Variants in ETV6 observed in about 807,000 individuals in gnomAD.
The protein encoded by ETV6 is transcription factor ETV6.
In ETV6, 16 loss-of-function variants were observed where a neutral mutation model predicts 51.1. The observed-to-expected ratio is 0.31, with a 90% confidence interval of 0.21 to 0.48. The LOEUF (loss-of-function observed/expected upper bound fraction) is 0.48, where lower values mean the gene tolerates loss of function less well. Among genes scored for constraint, ETV6 ranks in the 20% least tolerant of loss-of-function variants. ETV6 has a pLI of 0.99. For synonymous variants in ETV6, 240 were observed against 224.1 expected, an observed-to-expected ratio of 1.07 and a Z score of -0.64; for missense variants, 458 against 594.8, an observed-to-expected ratio of 0.77 and a Z score of 2.39.
chr12:11,696,031 A>G (rs893270032), intron 1 of ETV6, among the ~76,000 whole-genome samples: 2 of 152,194 alleles, frequency 1.3e-5, no homozygotes, highest in South Asian at 2.1e-4. Flanking sequence ...GTAGGGAAAA[A>G]AAAAAGAAAC....
intron 1 of ETV6, among the ~76,000 whole-genome samples, chr12:11,738,327 TTAA>T (rs1865748128): frequency 3.9e-5 from 5 of 129,624 alleles, no homozygotes; most frequent in South Asian, 5.2e-4. Flanking sequence ...TTTTTTTTTT[TTAA>T]ATTTGAGACA....
chr12:11,744,425 G>C (rs571832222), intron 1 of ETV6, among the ~76,000 whole-genome samples: 1 of 152,152 alleles, frequency 6.6e-6, no homozygotes, highest in African/African-American at 2.4e-5. Context: ...AGGATTTAGT[G>C]ACCCTCTTTC....
In ETV6 at chr12:11,658,463, G is replaced by A. The variant is rs142025058; in HGVS notation, c.33+8303G>A. Among the ~76,000 whole-genome samples, 391 of 152,312 alleles carry A rather than the reference G, an allele frequency of 2.6e-3. 1 individual carries two copies. The highest frequency in any genetic ancestry group is 4.2e-3 in the Non-Finnish European group (288 of 68,028). On this transcript the variant is annotated intron_variant, in intron 1 of 7. Transcript: ENST00000396373. ...GTGGCCAGGGTGGACTCAAACTCCC[G>A]ACTTCAATTGATCCTCCTGCCTCGG...
At chr12:11,820,896 G>C (rs1946070214) in intron 2 of ETV6, among the ~76,000 whole-genome samples, 1 of 152,188 alleles carries the variant, frequency 6.6e-6, no homozygotes, top group Non-Finnish European at 1.5e-5. Flanking sequence ...TGCAGGGAAG[G>C]AACAGTGGAA....
chr12:11,855,246 CAGTGAGCTGAG>C, intron 4 of ETV6, among the ~76,000 whole-genome samples: 1 of 152,150 alleles, frequency 6.6e-6, no homozygotes, highest in Admixed American at 6.5e-5. Flanking sequence ...GTGGAGATTG[CAGTGAGCTGAG>C]ATTGCGCCAC....
intron 1 of ETV6, among the ~76,000 whole-genome samples, chr12:11,734,708 A>G (rs1428171476): frequency 6.6e-6 from 1 of 152,164 alleles, no homozygotes; most frequent in Admixed American, 6.5e-5. Flanking sequence ...AATCTTATGC[A>G]GTAGGGCCGG....
At chr12:11,783,716 A>G (rs1391227832) in intron 2 of ETV6, among the ~76,000 whole-genome samples, 3 of 152,226 alleles carry the variant, frequency 2.0e-5, no homozygotes, top group Non-Finnish European at 4.4e-5. Flanking sequence ...TTCAATGGAA[A>G]GATGGACACT....
intron 2 of ETV6, among the ~76,000 whole-genome samples, chr12:11,820,373 C>T (rs988626709): frequency 3.9e-5 from 6 of 152,106 alleles, no homozygotes; most frequent in Admixed American, 2.6e-4. Flanking sequence ...AACAAAGGTC[C>T]GTTCACATGC....
At chr12:11,853,312 G>A (rs1188889568) in intron 3 of ETV6, 115 bp from the exon 4 acceptor site, 5 of 1,198,808 alleles carry the variant, frequency 4.2e-6, no homozygotes, top group Non-Finnish European at 4.8e-6. Flanking sequence ...GGAGGTGGCA[G>A]GTGCGCTCCA....
chr12:11,835,648 C>T (rs982811850), intron 2 of ETV6, among the ~76,000 whole-genome samples: 5 of 152,234 alleles, frequency 3.3e-5, no homozygotes, highest in African/African-American at 7.2e-5. Context: ...AAATCTACTT[C>T]TCCAGGGATC....
chr12:11,755,590 CCT>C (rs1169332077), intron 2 of ETV6, among the ~76,000 whole-genome samples: 3 of 152,206 alleles, frequency 2.0e-5, no homozygotes, highest in Non-Finnish European at 4.4e-5. Context: ...GCATATAGCC[CCT>C]ACGATGACTG....
intron 1 of ETV6, among the ~76,000 whole-genome samples, chr12:11,680,545 C>T (rs1246618394): frequency 6.6e-6 from 1 of 152,236 alleles, no homozygotes; most frequent in Admixed American, 6.5e-5. Flanking sequence ...CCCTAATACA[C>T]TGATTTTCTT....
At chr12:11,662,045 G>A (rs980695541) in intron 1 of ETV6, among the ~76,000 whole-genome samples, 3 of 152,156 alleles carry the variant, frequency 2.0e-5, no homozygotes, top group African/African-American at 7.2e-5. Context: ...GGACCTCGGT[G>A]TTAGGTAACA....
intron 2 of ETV6, among the ~76,000 whole-genome samples, chr12:11,762,951 C>T (rs996874485): frequency 1.2e-4 from 18 of 152,252 alleles, no homozygotes; most frequent in African/African-American, 3.9e-4. Context: ...GGTGCCAGCC[C>T]TCTTGAGGAC....
At chr12:11,798,040 C>G (rs1436477106) in intron 2 of ETV6, among the ~76,000 whole-genome samples, 1 of 152,154 alleles carries the variant, frequency 6.6e-6, no homozygotes, top group Non-Finnish European at 1.5e-5. Flanking sequence ...GATTATCTTT[C>G]CAAGGAAAAC....
intron 4 of ETV6, among the ~76,000 whole-genome samples, chr12:11,860,918 A>G (rs1227912078): frequency 6.6e-6 from 1 of 152,204 alleles, no homozygotes; most frequent in Non-Finnish European, 1.5e-5. Context: ...TGCCTCCCTC[A>G]CTGTTATCCA....
chr12:11,672,118 T>A (rs574673315), intron 1 of ETV6, among the ~76,000 whole-genome samples: 6 of 152,078 alleles, frequency 3.9e-5, no homozygotes, highest in African/African-American at 4.8e-5. Context: ...CAGGGCTCAT[T>A]GTAAGGTGAG....
intron 5 of ETV6, among the ~76,000 whole-genome samples, chr12:11,882,128 T>G (rs1947106938): frequency 6.6e-6 from 1 of 152,162 alleles, no homozygotes; most frequent in East Asian, 1.9e-4. Context: ...CACATTAATG[T>G]TTAAACACAG....
chr12:11,857,475 T>A (rs755038734), intron 4 of ETV6, among the ~76,000 whole-genome samples: 70 of 152,316 alleles, frequency 4.6e-4, no homozygotes, highest in South Asian at 2.1e-3. Context: ...TACACTTACC[T>A]CTAGAAAAAC....
Sources: gnomAD v4.1 joint callset for allele counts (sites outside exome capture counted in the v4.1 genomes callset) on GRCh38, gnomAD v4.1.1 for gene constraint, MANE v1.5 for transcripts, NCBI Gene and HGNC (gene_info 2026-07-23, HGNC 2026-07-21) for gene names.